RBFOX1: variants seen among roughly 807,000 people sequenced by gnomAD.
RBFOX1 encodes RNA binding fox-1 homolog 1, also known as RNA binding protein fox-1 homolog 1.
Under a neutral mutation model 57.7 loss-of-function variants are expected in RBFOX1, and 8 were observed. That is an observed-to-expected ratio of 0.14 (90% confidence interval 0.08 to 0.25). The LOEUF is 0.25. Ranked by LOEUF, RBFOX1 falls within the 10% of genes least tolerant of loss-of-function variation. The pLI is 1.00. For synonymous variants in RBFOX1, 326 were observed against 222.4 expected, an observed-to-expected ratio of 1.47 and a Z score of -4.15; for missense variants, 611 against 548.5, an observed-to-expected ratio of 1.11 and a Z score of -1.14.
intron 3 of RBFOX1, chr16:6,723,804 C>G (rs1004492212): frequency 1.3e-5 from 2 of 151,960 alleles, no homozygotes; most frequent in African/African-American, 4.8e-5. Context: ...AGTCTTCCAG[C>G]TACGTACTCA....
chr16:7,068,739 C>T (rs1211436437), intron 4 of RBFOX1, among the ~76,000 whole-genome samples: 1 of 152,136 alleles, frequency 6.6e-6, no homozygotes, highest in African/African-American at 2.4e-5. Context: ...AGGTCCCTGC[C>T]ACCACACCCA....
At chr16:7,534,544 A>G (rs1416300361) in intron 5 of RBFOX1, among the ~76,000 whole-genome samples, 2 of 152,128 alleles carry the variant, frequency 1.3e-5, no homozygotes, top group Non-Finnish European at 2.9e-5. Context: ...TCCCAGGAAG[A>G]GCCCCTGGAA....
At chr16:7,310,374 T>A (rs568523180) in intron 4 of RBFOX1, among the ~76,000 whole-genome samples, 12 of 152,270 alleles carry the variant, frequency 7.9e-5, no homozygotes, top group Non-Finnish European at 1.3e-4. Context: ...ATAGCCCTGA[T>A]GGATTGATCC....
In RBFOX1 at chr16:7,326,907, G is replaced by C. The variant is rs571367133; in HGVS notation, c.28-191240G>C. Among the ~76,000 whole-genome samples, 3 of 152,280 alleles carry C rather than the reference G, an allele frequency of 2.0e-5. No individual in the cohort carries two copies. In the East Asian group the frequency reaches 5.8e-4, roughly 29 times the overall value. ...CACCTTCCTCACACTTTTTCAGTCA[G>C]TCATTTCTGGAAGGATTTGGGAAAA... is the stretch of plus-strand genomic sequence containing the variant. On this transcript the variant is annotated intron_variant, in intron 4 of 15. Transcript: ENST00000550418.
intron 4 of RBFOX1, among the ~76,000 whole-genome samples, chr16:7,384,365 G>T (rs906766217): frequency 6.6e-6 from 1 of 152,130 alleles, no homozygotes; most frequent in African/African-American, 2.4e-5. Flanking sequence ...TATAGCTCAG[G>T]TGCAACAGGC....
chr16:5,912,293 A>G (rs996477202), intron 4 of RBFOX1, among the ~76,000 whole-genome samples: 8 of 152,328 alleles, frequency 5.3e-5, no homozygotes, highest in Admixed American at 3.9e-4. Context: ...AATGAAGCTC[A>G]CCGTATCATT....
At chr16:5,921,115 G>A (rs920347819) in intron 4 of RBFOX1, among the ~76,000 whole-genome samples, 1 of 152,150 alleles carries the variant, frequency 6.6e-6, no homozygotes. Flanking sequence ...CTGATCTCCT[G>A]TTAGGATATA....
intron 4 of RBFOX1, among the ~76,000 whole-genome samples, chr16:7,069,857 A>C (rs2056960753): frequency 6.6e-6 from 1 of 152,266 alleles, no homozygotes; most frequent in East Asian, 1.9e-4. Flanking sequence ...GTTCCCTTAC[A>C]TCACTCCAAA....
At chr16:6,652,715 A>G (rs2098606751) in intron 2 of RBFOX1, among the ~76,000 whole-genome samples, 1 of 152,154 alleles carries the variant, frequency 6.6e-6, no homozygotes, top group Non-Finnish European at 1.5e-5. Flanking sequence ...TAGAGTAGCA[A>G]AATCCACAGA....
At chr16:6,140,414 T>C (rs983138356) in intron 1 of RBFOX1, among the ~76,000 whole-genome samples, 1 of 152,100 alleles carries the variant, frequency 6.6e-6, no homozygotes, top group East Asian at 1.9e-4. Flanking sequence ...CAGGCTAGCC[T>C]CGAATTCCTG....
intron 3 of RBFOX1, among the ~76,000 whole-genome samples, chr16:6,780,233 A>T (rs1422472483): frequency 1.4e-5 from 1 of 74,070 alleles, no homozygotes. Context: ...ATATATATTT[A>T]TATATATTTA....
chr16:6,159,529 T>C (rs952313158), intron 1 of RBFOX1, among the ~76,000 whole-genome samples: 2 of 152,162 alleles, frequency 1.3e-5, no homozygotes, highest in Non-Finnish European at 2.9e-5. Flanking sequence ...CCAGTTCCAG[T>C]GCACACAGCA....
At chr16:6,474,977 T>C (rs1385281441) in intron 2 of RBFOX1, among the ~76,000 whole-genome samples, 1 of 152,210 alleles carries the variant, frequency 6.6e-6, no homozygotes, top group African/African-American at 2.4e-5. Flanking sequence ...ACATTTTTTG[T>C]CCTTACAGCA....
chr16:6,259,254 T>G (rs1704477489), intron 1 of RBFOX1, among the ~76,000 whole-genome samples: 1 of 152,144 alleles, frequency 6.6e-6, no homozygotes, highest in African/African-American at 2.4e-5. Flanking sequence ...CTATCATTAT[T>G]CCTTTACTTT....
At chr16:7,124,512 C>T (rs1254130785) in intron 4 of RBFOX1, among the ~76,000 whole-genome samples, 2 of 68,454 alleles carry the variant, frequency 2.9e-5, no homozygotes, top group East Asian at 9.3e-4. Flanking sequence ...TCCCCCTCCC[C>T]TCCCCTCCCC....
Position 5,532,395 on chromosome 16 carries a change from C to T in RBFOX1, c.258+65141C>T, listed in dbSNP as rs533100162. Among the ~76,000 whole-genome samples the T allele has an allele frequency of 1.2e-3, 177 of 152,252 alleles. 2 individuals are homozygous for T. The Middle Eastern group carries it at 0.014, about 12-fold the overall frequency. On this transcript the variant is annotated intron_variant, in intron 2 of 2. Transcript: ENST00000585867. ...TGTGTAGAATACGGCATCAGTACCA[C>T]GTGAAGTTTCTTAGAGATGCAGAAT...
At chr16:6,597,739 A>G (rs1484222159) in intron 2 of RBFOX1, among the ~76,000 whole-genome samples, 1 of 152,190 alleles carries the variant, frequency 6.6e-6, no homozygotes, top group East Asian at 1.9e-4. Context: ...AAAGAAGTCC[A>G]CAGGAAAGGT....
At chr16:6,614,385 A>G (rs879267280) in intron 2 of RBFOX1, among the ~76,000 whole-genome samples, 2 of 152,190 alleles carry the variant, frequency 1.3e-5, no homozygotes, top group South Asian at 4.1e-4. Flanking sequence ...TTTAGAAAGA[A>G]TATTGGTATC....
chr16:6,759,449 T>C (rs2076280260), intron 3 of RBFOX1, among the ~76,000 whole-genome samples: 1 of 151,420 alleles, frequency 6.6e-6, no homozygotes, highest in African/African-American at 2.4e-5. Flanking sequence ...GTCAACCAAC[T>C]TCATTTCTTG....
Sources: allele counts gnomAD v4.1 joint callset (sites outside exome capture counted in the v4.1 genomes callset), GRCh38; gene constraint gnomAD v4.1.1; transcripts MANE v1.5; gene names NCBI Gene and HGNC (gene_info 2026-07-23, HGNC 2026-07-21).